The following COL25A1 variants were observed in gnomAD, a reference collection of about 807,000 sequenced individuals.
COL25A1 encodes the protein collagen type XXV alpha 1 chain, also known as collagen alpha-1(XXV) chain.
A neutral mutation model predicts 128.4 loss-of-function variants in COL25A1; 103 were observed. The observed-to-expected ratio is 0.80, with a 90% CI of 0.68 to 0.94. The LOEUF (loss-of-function observed/expected upper bound fraction) is 0.94. Among genes scored for constraint, COL25A1 ranks in the 40% least tolerant of loss-of-function variants. The pLI is 0.00. For synonymous variants in COL25A1, 279 were observed against 277.2 expected (o/e 1.01, Z -0.06); for missense variants, 745 against 840.0 (o/e 0.89, Z 1.40).
chr4:109,038,144 C>T (rs948609369), intron 5 of COL25A1, among the ~76,000 whole-genome samples: 3 of 152,082 alleles, frequency 2.0e-5, no homozygotes, highest in Admixed American at 6.5e-5. Flanking sequence ...GTCAACTTGG[C>T]GAGGCTGCGG....
intron 3 of COL25A1, among the ~76,000 whole-genome samples, chr4:109,126,181 A>G (rs1216876591): frequency 6.6e-6 from 1 of 152,326 alleles, no homozygotes; most frequent in Non-Finnish European, 1.5e-5. Context: ...ACGGTAAAAA[A>G]GAAAAGTAAA....
At chr4:108,859,014 G>C (rs1189482068) in intron 24 of COL25A1, among the ~76,000 whole-genome samples, 1 of 152,124 alleles carries the variant, frequency 6.6e-6, no homozygotes, top group Non-Finnish European at 1.5e-5. Flanking sequence ...AACATGAAAA[G>C]AATGAATAGG....
At chr4:108,960,742 G>GTCTCCAAGTTTTC (rs1364839821) in intron 8 of COL25A1, among the ~76,000 whole-genome samples, 8 of 152,190 alleles carry the variant, frequency 5.3e-5, no homozygotes, top group Non-Finnish European at 8.8e-5. Context: ...TCTTGAATTA[G>GTCTCCAAGTTTTC]TCTCCAAGTT....
intron 11 of COL25A1, among the ~76,000 whole-genome samples, chr4:108,928,517 T>C (rs975196956): frequency 6.6e-6 from 1 of 151,894 alleles, no homozygotes; most frequent in Non-Finnish European, 1.5e-5. Context: ...TATTTATGTA[T>C]TTATTTATGT....
intron 3 of COL25A1, among the ~76,000 whole-genome samples, chr4:109,091,204 T>C (rs1764862684): frequency 6.6e-6 from 1 of 152,170 alleles, no homozygotes; most frequent in Non-Finnish European, 1.5e-5. Flanking sequence ...TTGCTTTGAT[T>C]CTCCTTCTGT....
chr4:109,130,292 A>G (rs1769061159), intron 3 of COL25A1, among the ~76,000 whole-genome samples: 1 of 152,238 alleles, frequency 6.6e-6, no homozygotes, highest in African/African-American at 2.4e-5. Context: ...TATAACAGAC[A>G]GTAAATGTTC....
At position 109,157,479 on chromosome 4, in the gene COL25A1, T is replaced by C. The variant is rs78820109; in HGVS notation, c.368-107300A>G. The stretch of plus-strand genomic sequence containing the variant: ...TACTTCCTGTGGGGTTTCTCCAATA[T>C]ATTCACCTGTACTATTTCATAATTC... On this transcript the variant is annotated intron_variant, in intron 3 of 37. Transcript: ENST00000399132. Among the ~76,000 whole-genome samples the C allele has an allele frequency of 6.9e-4, 105 of 152,252 alleles. 3 individuals are homozygous for C. In the East Asian group the frequency reaches 0.018, roughly 27 times the overall value.
Position 108,975,526 on chromosome 4 carries a change from T to C in COL25A1, c.439-967A>G, listed in dbSNP as rs567584548. Among the ~76,000 whole-genome samples, 8 of 152,338 alleles carry C rather than the reference T, an allele frequency of 5.3e-5. No individual in the cohort carries two copies. The South Asian group carries it at 1.7e-3, about 32-fold the overall frequency. On this transcript the variant is annotated intron_variant, in intron 6 of 37. Transcript: ENST00000399132. ...TATATTCATTTCTGCTGGGTGTATA[T>C]CTAGAAAAGGAACTGTTAGGTTACA...
intron 3 of COL25A1, among the ~76,000 whole-genome samples, chr4:109,072,257 ATTTCATTAAT>A (rs1186609183): frequency 1.3e-5 from 2 of 152,196 alleles, no homozygotes; most frequent in Non-Finnish European, 2.9e-5. Flanking sequence ...CCACTGGATA[ATTTCATTAAT>A]TTTCAAATTT....
intron 11 of COL25A1, among the ~76,000 whole-genome samples, chr4:108,926,458 A>C (rs1746074520): frequency 6.6e-6 from 1 of 152,206 alleles, no homozygotes; most frequent in Non-Finnish European, 1.5e-5. Context: ...TTCCTTTTTA[A>C]GAATTTTTCC....
At chr4:109,250,143 T>A (rs1291369901) in intron 3 of COL25A1, among the ~76,000 whole-genome samples, 1 of 152,116 alleles carries the variant, frequency 6.6e-6, no homozygotes, top group African/African-American at 2.4e-5. Context: ...GGGTAACAAA[T>A]TTAAACTTTC....
At chr4:109,017,474 T>C (rs760034292) in intron 5 of COL25A1, among the ~76,000 whole-genome samples, 2 of 152,250 alleles carry the variant, frequency 1.3e-5, no homozygotes, top group Admixed American at 6.5e-5. Context: ...TGTGACATTG[T>C]CACAATTATG....
chr4:109,076,985 CT>C (rs1398277691), intron 3 of COL25A1, among the ~76,000 whole-genome samples: 20 of 152,284 alleles, frequency 1.3e-4, no homozygotes, highest in Admixed American at 1.3e-3. Flanking sequence ...ACCTCCTTTG[CT>C]GTGAGGCCCA....
rs112993547 is a variant in COL25A1 at position 109,198,294 on chromosome 4, TCA to T, written c.367+102287_367+102288del. On this transcript the variant is annotated intron_variant, in intron 3 of 37. Transcript: ENST00000399132. ...ACCACATCAGACTCTGCATATTCAT[TCA>T]CACACACACACACACACACACACAC... Among the ~76,000 whole-genome samples, 448 of 143,852 alleles carry T rather than the reference TCA, an allele frequency of 3.1e-3. 3 individuals are homozygous for T. Among genetic ancestry groups the T allele is most frequent in the Middle Eastern group, 6.9e-3 (2 of 288 alleles). The allele number at this position is 143,852 out of a possible 152,430, so 94.4% of individuals were successfully genotyped here. A position where few individuals can be genotyped will look rare whatever the true frequency, so the allele number is the denominator to read the frequency against.
chr4:109,136,163 C>T (rs1428104354), intron 3 of COL25A1, among the ~76,000 whole-genome samples: 1 of 151,730 alleles, frequency 6.6e-6, no homozygotes, highest in African/African-American at 2.4e-5. Context: ...TTTGGGAAGC[C>T]AAGGCGGGTG....
In COL25A1 at chr4:108,848,925, G is replaced by T. The variant is rs972909635; in HGVS notation, c.1390-122C>A. ...ACTTTCAGCAAATGCATCATAACCC[G>T]AGAATATTCTATTATAGCACATATC... On this transcript the variant is annotated intron_variant, in intron 26 of 37. Coordinates refer to ENST00000399132, the MANE Select transcript of COL25A1 (RefSeq NM_198721.4). 4.2e-6 allele frequency: 3 copies of T among 706,682 alleles called. No homozygotes were observed. In the East Asian group the frequency reaches 7.5e-5, roughly 18 times the overall value. 43.8% of individuals were successfully genotyped at this position (706,682 alleles called of 1,614,324 possible). A position where few individuals can be genotyped will look rare whatever the true frequency, so the allele number is the denominator to read the frequency against.
intron 3 of COL25A1, among the ~76,000 whole-genome samples, chr4:109,071,615 A>G (rs191691887): frequency 0.024 from 3,624 of 152,212 alleles, 55 homozygotes; most frequent in Non-Finnish European, 0.041. Flanking sequence ...AAAACAAACA[A>G]CCCCATCAAA....
intron 19 of COL25A1, among the ~76,000 whole-genome samples, chr4:108,879,085 G>C (rs1250389100): frequency 6.6e-6 from 1 of 152,170 alleles, no homozygotes; most frequent in Admixed American, 6.5e-5. Flanking sequence ...GCTTCTATTA[G>C]ATTACTGAGC....
chr4:108,849,309 T>C (rs973379227), intron 26 of COL25A1, among the ~76,000 whole-genome samples: 1 of 152,238 alleles, frequency 6.6e-6, no homozygotes, highest in African/African-American at 2.4e-5. Flanking sequence ...AAATTCATGA[T>C]TGTGAGTGTG....
Sources: allele counts gnomAD v4.1 joint callset (sites outside exome capture counted in the v4.1 genomes callset), GRCh38; gene constraint gnomAD v4.1.1; transcripts MANE v1.5; gene names NCBI Gene and HGNC (gene_info 2026-07-23, HGNC 2026-07-21).